MED31: variants seen among roughly 807,000 people sequenced by gnomAD.
MED31 encodes the protein mediator of RNA polymerase II transcription subunit 31.
Under a neutral mutation model 22.0 loss-of-function variants are expected in MED31, and 11 were observed. The ratio of observed to expected loss-of-function variants is 0.50; its 90% CI spans 0.31 to 0.83. The LOEUF (loss-of-function observed/expected upper bound fraction) is 0.83, where lower values mean the gene tolerates loss of function less well. Among genes scored for constraint, MED31 ranks in the 40% least tolerant of loss-of-function variants. MED31 has a pLI of 0.04. For synonymous variants in MED31, 60 were observed against 55.1 expected, an observed-to-expected ratio of 1.09 and a Z score of -0.40; for missense variants, 122 against 155.3, an observed-to-expected ratio of 0.79 and a Z score of 1.14.
At position 6,643,506 on chromosome 17, in the gene MED31, C is replaced by G. The variant is rs2150946850; in HGVS notation, c.*961G>C. The G allele has an allele frequency of 6.5e-6, 1 of 153,380 alleles. No homozygotes were observed. The highest frequency in any genetic ancestry group is 3.4e-3 in the Middle Eastern group (1 of 296). The allele number at this position is 153,380 out of a possible 1,614,324, so 9.5% of individuals were successfully genotyped here. A position where few individuals can be genotyped will look rare whatever the true frequency, so the allele number is the denominator to read the frequency against. On this transcript the variant is annotated 3_prime_UTR_variant, in exon 4 of 4. Coordinates refer to ENST00000225728, the MANE Select transcript of MED31 (RefSeq NM_016060.3). ...GTTTAATAAAAAACAGACTCCTGAGCACTAGAAGCAGTTTGTTTTGCAGCT... is the reference window on the plus strand; with the variant it reads ...GTTTAATAAAAAACAGACTCCTGAGGACTAGAAGCAGTTTGTTTTGCAGCT...
intron 3 of MED31, among the ~76,000 whole-genome samples, chr17:6,646,867 T>C (rs1358782645): frequency 1.3e-5 from 2 of 152,248 alleles, no homozygotes; most frequent in East Asian, 1.9e-4. Context: ...TGAAGGCTTC[T>C]GTCTCCTGCT....
chr17:6,651,319 A>C, intron 1 of MED31, 182 bp downstream of exon 1: 2 of 854,048 alleles, frequency 2.3e-6, no homozygotes, highest in Non-Finnish European at 3.5e-6. Context: ...ATGTGCGAAC[A>C]AACCAAATCA....
Position 6,650,051 on chromosome 17 carries a change from T to C in MED31, c.134A>G (p.Asp45Gly). 1 of 1,603,204 alleles carries C rather than the reference T, an allele frequency of 6.2e-7. No homozygotes were observed. The highest frequency in any genetic ancestry group is 8.5e-7 in the Non-Finnish European group (1 of 1,177,366). Residue 45 changes from aspartate (D) to glycine (G), a missense_variant, in exon 3 of 4, where the codon GAC (aspartate) becomes GGC (glycine). Asp to Gly is a moderately conservative substitution (Grantham distance 94). Coordinates refer to ENST00000225728, the MANE Select transcript of MED31 (RefSeq NM_016060.3). ...TTTAAGATAATTAACAAAAGCTTTG[T>C]CTTTGAAGTAACCTCTTTGGGCAAG... Reference protein sequence around the residue: ...NFLAQRGYFKDKAFVNYLKYL... With the variant: ...NFLAQRGYFKGKAFVNYLKYL...
rs567138976 is a variant in MED31 at position 6,651,573 on chromosome 17, G to A, written c.-45C>T. Reference sequence around the variant, plus strand: ...ACGCCACCAGCCTGACAGAGCAAAAGCCCAGAGACGCGGGCGAAGTTCCGG... The same window carrying A: ...ACGCCACCAGCCTGACAGAGCAAAAACCCAGAGACGCGGGCGAAGTTCCGG... On this transcript the variant is annotated 5_prime_UTR_variant, in exon 1 of 4. Coordinates refer to ENST00000225728, the MANE Select transcript of MED31 (RefSeq NM_016060.3). 1.2e-6 allele frequency: 2 copies of A among 1,612,942 alleles called. No individual in the cohort carries two copies. Among genetic ancestry groups the A allele is most frequent in the Non-Finnish European group, 8.5e-7 (1 of 1,179,432 alleles).
At chr17:6,649,196 A>C (rs1972800427) in intron 3 of MED31, among the ~76,000 whole-genome samples, 1 of 121,348 alleles carries the variant, frequency 8.2e-6, no homozygotes, top group African/African-American at 3.6e-5. Flanking sequence ...TGTGAGTTCA[A>C]GGTGGGTTGG....
chr17:6,644,054 G>C lies in MED31; in HGVS notation c.*413C>G, dbSNP rs962593681. On this transcript the variant is annotated 3_prime_UTR_variant, in exon 4 of 4. Transcript: ENST00000225728. ...GCTACTCTCACTACATCTTAGAGTA[G>C]AGTGGTAGAGTAGTTGATCTGAGAC... is the stretch of plus-strand genomic sequence containing the variant. The C allele has an allele frequency of 1.2e-5, 5 of 403,806 alleles. No individual in the cohort carries two copies. Among genetic ancestry groups the C allele is most frequent in the African/African-American group, 8.2e-5 (4 of 48,652 alleles). The allele number at this position is 403,806 out of a possible 1,614,324, so 25.0% of individuals were successfully genotyped here. A position where few individuals can be genotyped will look rare whatever the true frequency, so the allele number is the denominator to read the frequency against.
rs1401005864 is a variant in MED31 at position 6,650,080 on chromosome 17, T to C, written c.107-2A>G. ...TGAAGTAACCTCTTTGGGCAAGAAC[T>C]GAAAAGCATTAAAAAAAAAAATCTG... is the stretch of plus-strand genomic sequence containing the variant. On this transcript the variant is annotated splice_acceptor_variant, in intron 2 of 3. Transcript: ENST00000225728. LOFTEE classifies it high-confidence loss of function. 2 of 1,583,112 alleles carry C rather than the reference T, an allele frequency of 1.3e-6. No homozygotes were observed. The highest frequency in any genetic ancestry group is 1.7e-6 in the Non-Finnish European group (2 of 1,172,044).
chr17:6,648,304 A>C (rs1323492129), intron 3 of MED31, among the ~76,000 whole-genome samples: 1 of 152,260 alleles, frequency 6.6e-6, no homozygotes, highest in Non-Finnish European at 1.5e-5. Flanking sequence ...AACTCATGAG[A>C]ACTCTGGACA....
Position 6,644,470 on chromosome 17 carries a change from T to C in MED31, c.393A>G (p.Lys131=), listed in dbSNP as rs781039809. 34 of 1,591,488 alleles carry C rather than the reference T, an allele frequency of 2.1e-5. No homozygotes were observed. In the East Asian group the frequency reaches 7.0e-4, roughly 33 times the overall value. Residue 131 remains lysine (K), a synonymous_variant, in exon 4 of 4, where the codon AAA becomes AAG. Transcript: ENST00000225728. The stretch of plus-strand genomic sequence containing the variant: ...TGCCTCGTTTGTATCCAGTTTTTCA[T>C]TTTCCCGATGTGTTATTTTGCTGTT... ...EQQQQNNTSG[K]
intron 3 of MED31, among the ~76,000 whole-genome samples, chr17:6,648,476 T>C (rs1313243898): frequency 6.6e-6 from 1 of 152,208 alleles, no homozygotes; most frequent in Non-Finnish European, 1.5e-5. Context: ...TTCAGCCCAG[T>C]TGTTGACTTG....
chr17:6,644,761 T>A (rs916095672), intron 3 of MED31, 102 bp from the exon 4 acceptor site: 1 of 1,323,204 alleles, frequency 7.6e-7, no homozygotes, highest in Non-Finnish European at 1.0e-6. Context: ...GCCTACCATT[T>A]CTATAACAGT....
In MED31 at chr17:6,650,538, G is replaced by A. The variant is rs1321724842; in HGVS notation, c.29-105C>T. 2.7e-5 allele frequency: 27 copies of A among 1,013,766 alleles called. No individual in the cohort carries two copies. In the South Asian group the frequency reaches 4.2e-4, roughly 16 times the overall value. The allele number at this position is 1,013,766 out of a possible 1,614,324, so 62.8% of individuals were successfully genotyped here. A position where few individuals can be genotyped will look rare whatever the true frequency, so the allele number is the denominator to read the frequency against. Reference sequence around the variant, plus strand: ...AAAGAAACCTGACTAATGTTGAGATGGTCTTCCTAAACTAGGAGTGGGAGG... The same window carrying A: ...AAAGAAACCTGACTAATGTTGAGATAGTCTTCCTAAACTAGGAGTGGGAGG... On this transcript the variant is annotated intron_variant, in intron 1 of 3. Transcript: ENST00000225728.
At position 6,650,437 on chromosome 17, in the gene MED31, GGAGACAA is replaced by G; in HGVS notation, c.29-11_29-5del. ...CGAAGTCGATTTCCAGCATCATCTA[GGAGACAA>G]GACAGCAAAAATCATGGAAAACAAA... On this transcript the variant is annotated splice_region_variant and splice_polypyrimidine_tract_variant and intron_variant, in intron 1 of 3. Coordinates refer to ENST00000225728, the MANE Select transcript of MED31 (RefSeq NM_016060.3). 3 of 1,613,910 alleles carry G rather than the reference GGAGACAA, an allele frequency of 1.9e-6. No individual in the cohort carries two copies. The highest frequency in any genetic ancestry group is 2.5e-6 in the Non-Finnish European group (3 of 1,179,924).
In MED31 at chr17:6,651,496, C is replaced by T; in HGVS notation, c.28+5G>A. 7 of 1,614,176 alleles carry T rather than the reference C, an allele frequency of 4.3e-6. No homozygotes were observed. Among genetic ancestry groups the T allele is most frequent in the Non-Finnish European group, 5.9e-6 (7 of 1,180,018 alleles). ...CGAAGACTCCAAGATCAGAGAGCTA[C>T]TCACCTGTCTCCATAGCGACAGCAG... On this transcript the variant is annotated splice_donor_5th_base_variant and intron_variant, in intron 1 of 3. Transcript: ENST00000225728.
intron 1 of MED31, chr17:6,651,271 C>G: frequency 3.5e-6 from 2 of 574,334 alleles, no homozygotes; most frequent in African/African-American, 1.9e-5. Flanking sequence ...GTCTCACCCA[C>G]GCCAGGGAGC....
rs373554460 is a variant in MED31, at chr17:6,651,568, C to G, written c.-40G>C. On this transcript the variant is annotated 5_prime_UTR_variant, in exon 1 of 4. Coordinates refer to ENST00000225728, the MANE Select transcript of MED31 (RefSeq NM_016060.3). ...CCAAAACGCCACCAGCCTGACAGAG[C>G]AAAAGCCCAGAGACGCGGGCGAAGT... 1 of 1,613,582 alleles carries G rather than the reference C, an allele frequency of 6.2e-7. No individual in the cohort carries two copies. Among genetic ancestry groups the G allele is most frequent in the Non-Finnish European group, 8.5e-7 (1 of 1,179,728 alleles).
chr17:6,644,646 A>T lies in MED31; in HGVS notation c.217T>A (p.Leu73Ile), dbSNP rs2150947547. The change falls in exon 4 of 4, where the codon TTA (leucine) becomes ATA (isoleucine). Residue 73 changes from leucine (L) to isoleucine (I), a missense_variant. By Grantham distance (5) the Leu-to-Ile change is conservative. Coordinates refer to ENST00000225728, the MANE Select transcript of MED31 (RefSeq NM_016060.3). ...TATTGGAGCAGCTCTAACATGTGTA[A>T]ACACTGAGGGTACCTGGGTTTAAGT... ...YAKYLKYPQCLHMLELLQYEH... is the reference protein window; with the variant it reads ...YAKYLKYPQCIHMLELLQYEH... 6.3e-7 allele frequency: 1 copy of T among 1,584,420 alleles called. No homozygotes were observed. The highest frequency in any genetic ancestry group is 1.2e-5 in the South Asian group (1 of 85,728).
chr17:6,651,343 G>T, intron 1 of MED31, 158 bp downstream of exon 1: 1 of 1,003,062 alleles, frequency 1.0e-6, no homozygotes, highest in Non-Finnish European at 1.4e-6. Flanking sequence ...AAACTGCAAA[G>T]AGTACCTTAG....
In MED31 at chr17:6,643,330, CTTTTA is replaced by C. The variant is rs749436439; in HGVS notation, c.*1132_*1136del. The C allele has an allele frequency of 3.7e-4, 81 of 220,344 alleles. 1 individual carries two copies. Among genetic ancestry groups the C allele is most frequent in the Non-Finnish European group, 5.9e-4 (66 of 111,576 alleles). The allele number at this position is 220,344 out of a possible 1,614,324, so 13.6% of individuals were successfully genotyped here. Reference sequence around the variant, plus strand: ...TCCAAATCTCTCAAAAGATCAGTATCTTTTATTTTAAGTTATCTCCATCTGCAAAG... The same window carrying C: ...TCCAAATCTCTCAAAAGATCAGTATCTTTTAAGTTATCTCCATCTGCAAAG... On this transcript the variant is annotated 3_prime_UTR_variant, in exon 4 of 4. Transcript: ENST00000225728.
Sources: allele counts gnomAD v4.1 joint callset (sites outside exome capture counted in the v4.1 genomes callset), GRCh38; gene constraint gnomAD v4.1.1; transcripts MANE v1.5; gene names NCBI Gene and HGNC (gene_info 2026-07-23, HGNC 2026-07-21).